Variants in SIPA1L2 observed in about 807,000 individuals in gnomAD.
SIPA1L2 encodes the protein signal induced proliferation associated 1 like 2.
SIPA1L2 carries 56 observed loss-of-function variants against 163.9 expected under a neutral mutation model. The ratio of observed to expected loss-of-function variants is 0.34; its 90% CI spans 0.28 to 0.43. SIPA1L2 has a LOEUF of 0.43. Ranked by LOEUF, SIPA1L2 falls within the 20% of genes least tolerant of loss-of-function variation. SIPA1L2 has a pLI of 1.00. For missense variants in SIPA1L2, 1,974 were observed against 2,193.5 expected, an observed-to-expected ratio of 0.90 and a Z score of 2.00; for synonymous variants, 877 against 865.7, an observed-to-expected ratio of 1.01 and a Z score of -0.23.
chr1:232,590,598 T>G (rs1346000047), intron 1 of SIPA1L2, among the ~76,000 whole-genome samples: 1 of 152,174 alleles, frequency 6.6e-6, no homozygotes, highest in African/African-American at 2.4e-5. Flanking sequence ...ACCTACTTCC[T>G]GAACGGGAAC....
Position 232,514,804 on chromosome 1 carries a change from G to A in SIPA1L2, c.536C>T (p.Ala179Val). Residue 179 changes from alanine to valine, a missense_variant, in exon 3 of 23, where the codon GCA becomes GTA. Ala to Val is a moderately conservative substitution (Grantham distance 64). Around this residue, in one of 3 missense-constraint regions of SIPA1L2, gnomAD observed 607 missense variants for 624.0 expected, o/e 0.97. Transcript: ENST00000674635. ...IDAEDVLDQNAVNPNTGAALH... is the reference protein window; with the variant it reads ...IDAEDVLDQNVVNPNTGAALH... Reference sequence around the variant, plus strand: ...GGCAGCCCCGGTGTTGGGGTTGACTGCATTTTGGTCTAAGACATCTTCGGC... The same window carrying A: ...GGCAGCCCCGGTGTTGGGGTTGACTACATTTTGGTCTAAGACATCTTCGGC... The A allele has an allele frequency of 1.2e-6, 2 of 1,614,210 alleles. No homozygotes were observed. The highest frequency in any genetic ancestry group is 8.5e-7 in the Non-Finnish European group (1 of 1,180,038).
intron 2 of SIPA1L2, among the ~76,000 whole-genome samples, chr1:232,549,184 G>C (rs1658236873): frequency 6.6e-6 from 1 of 152,154 alleles, no homozygotes; most frequent in South Asian, 2.1e-4. Flanking sequence ...GACAGGAGCA[G>C]CCAGAAAAGT....
rs1558235919 is a variant in SIPA1L2, at chr1:232,514,153, T to C, written c.1187A>G (p.Asp396Gly). Residue 396 changes from aspartate (D) to glycine (G), a missense_variant, in exon 3 of 23, where the codon GAT (aspartate) becomes GGT (glycine). Transcript: ENST00000674635. ...DLNSKENLDA[D>G]EGDGKSNDLV... ...GTCGTTACTTTTCCCATCACCCTCA[T>C]CGGCATCCAGGTTCTCTTTGGAGTT... 6.2e-7 allele frequency: 1 copy of C among 1,614,236 alleles called. No individual in the cohort carries two copies. The highest frequency in any genetic ancestry group is 1.3e-5 in the African/African-American group (1 of 75,054).
intron 1 of SIPA1L2, among the ~76,000 whole-genome samples, chr1:232,602,327 TTTTTG>T (rs1329224270): frequency 1.3e-5 from 2 of 152,068 alleles, no homozygotes; most frequent in South Asian, 4.2e-4. Context: ...CTCAGAAGGT[TTTTTG>T]TTTTGTTTTG....
At chr1:232,599,846 G>A (rs775857604) in intron 1 of SIPA1L2, among the ~76,000 whole-genome samples, 3 of 152,226 alleles carry the variant, frequency 2.0e-5, no homozygotes, top group African/African-American at 4.8e-5. Context: ...GTGCATGCTC[G>A]AAAGTATTCA....
chr1:232,565,721 T>C (rs570783123), intron 2 of SIPA1L2, among the ~76,000 whole-genome samples: 5 of 152,316 alleles, frequency 3.3e-5, no homozygotes, highest in African/African-American at 1.2e-4. Flanking sequence ...CTCTATTCCT[T>C]TCTCTCTCTA....
intron 1 of SIPA1L2, among the ~76,000 whole-genome samples, chr1:232,583,166 C>G (rs1397472319): frequency 6.6e-6 from 1 of 152,134 alleles, no homozygotes; most frequent in African/African-American, 2.4e-5. Context: ...TGAACACACA[C>G]CTCTTCCACC....
At chr1:232,519,931 A>G (rs542410956) in intron 2 of SIPA1L2, among the ~76,000 whole-genome samples, 2 of 152,322 alleles carry the variant, frequency 1.3e-5, no homozygotes, top group African/African-American at 4.8e-5. Flanking sequence ...GGAAAATCTG[A>G]GACTCATTTA....
intron 19 of SIPA1L2, among the ~76,000 whole-genome samples, chr1:232,409,761 G>A (rs915736936): frequency 3.3e-5 from 5 of 152,084 alleles, no homozygotes; most frequent in Non-Finnish European, 5.9e-5. Flanking sequence ...GCAGCTGCCT[G>A]AGTGACCCCA....
At chr1:232,413,434 C>T (rs1319900099) in intron 19 of SIPA1L2, among the ~76,000 whole-genome samples, 1 of 152,118 alleles carries the variant, frequency 6.6e-6, no homozygotes, top group East Asian at 1.9e-4. Context: ...AGCAGTCATT[C>T]TGTTCTGAAG....
intron 18 of SIPA1L2, among the ~76,000 whole-genome samples, chr1:232,419,724 C>A (rs181494711): frequency 6.6e-6 from 1 of 152,290 alleles, no homozygotes; most frequent in East Asian, 1.9e-4. Flanking sequence ...GCCTGAAGAA[C>A]CAAAAGCCAA....
At chr1:232,607,719 T>C (rs1315477557) in intron 1 of SIPA1L2, among the ~76,000 whole-genome samples, 1 of 151,576 alleles carries the variant, frequency 6.6e-6, no homozygotes, top group Admixed American at 6.6e-5. Flanking sequence ...TACATGGTGA[T>C]GTTCCCATCT....
In SIPA1L2 at chr1:232,527,522, C is replaced by T. The variant is rs578001915; in HGVS notation, c.-269-11914G>A. On this transcript the variant is annotated intron_variant, in intron 2 of 22. Coordinates refer to ENST00000674635, the MANE Select transcript of SIPA1L2 (RefSeq NM_020808.5). ...GAATGTTTCAAGTATGAACTGAGTGCTAAATATGAAAAGGAAACTTAAACC... is the reference window on the plus strand; with the variant it reads ...GAATGTTTCAAGTATGAACTGAGTGTTAAATATGAAAAGGAAACTTAAACC... Among the ~76,000 whole-genome samples the T allele has an allele frequency of 9.2e-5, 14 of 152,128 alleles. No homozygotes were observed. The South Asian group carries it at 2.9e-3, about 32-fold the overall frequency.
chr1:232,500,528 G>A (rs1356289464), intron 3 of SIPA1L2, among the ~76,000 whole-genome samples: 1 of 152,212 alleles, frequency 6.6e-6, no homozygotes, highest in Non-Finnish European at 1.5e-5. Context: ...GGATTCAAGA[G>A]TTCACTGGAG....
rs1659954361 is a variant in SIPA1L2, at chr1:232,574,181, G to C, written c.-277C>G. ...CCTTGCTTGCAGGCTTACCTGAGTG[G>C]GGAAGAGCAGCGGGCTCCTGCTCAC... On this transcript the variant is annotated 5_prime_UTR_variant, in exon 2 of 23. Coordinates refer to ENST00000674635, the MANE Select transcript of SIPA1L2 (RefSeq NM_020808.5). Among the ~76,000 whole-genome samples the C allele has an allele frequency of 6.6e-6, 1 of 152,166 alleles. No individual in the cohort carries two copies. The highest frequency in any genetic ancestry group is 1.5e-5 in the Non-Finnish European group (1 of 68,046).
rs565985523 is a variant in SIPA1L2 at position 232,425,041 on chromosome 1, T to C, written c.4630+548A>G. ...GTCAGGTTGACCTGTGACTAGTAAG[T>C]TGAAATAAGCGGGGACACAAGAGAA... On this transcript the variant is annotated intron_variant, in intron 18 of 22. Transcript: ENST00000674635. 6.7e-4 allele frequency among the ~76,000 whole-genome samples: 102 copies of C among 152,238 alleles called. 2 individuals are homozygous for C. The South Asian group carries it at 7.9e-3, about 12-fold the overall frequency.
intron 1 of SIPA1L2, among the ~76,000 whole-genome samples, chr1:232,591,015 A>G (rs1660930055): frequency 1.3e-5 from 2 of 152,254 alleles, no homozygotes; most frequent in Admixed American, 6.5e-5. Flanking sequence ...CGGGTAAATC[A>G]GAACACGGCT....
At chr1:232,575,164 T>C (rs757614146) in intron 1 of SIPA1L2, among the ~76,000 whole-genome samples, 17 of 152,184 alleles carry the variant, frequency 1.1e-4, no homozygotes, top group Non-Finnish European at 1.6e-4. Flanking sequence ...ATGTGGAGTA[T>C]ACACTTCAGA....
chr1:232,611,628 T>A (rs1183065899), intron 1 of SIPA1L2, among the ~76,000 whole-genome samples: 1 of 152,210 alleles, frequency 6.6e-6, no homozygotes. Context: ...AACTTTGAAC[T>A]TCAGACAGAG....
Sources: gnomAD v4.1 joint callset for allele counts (sites outside exome capture counted in the v4.1 genomes callset) on GRCh38, gnomAD v4.1.1 for gene constraint, gnomAD v4.1.1 regional missense constraint, MANE v1.5 for transcripts, NCBI Gene and HGNC (gene_info 2026-07-23, HGNC 2026-07-21) for gene names.